The following CNTN5 variants were observed in gnomAD, a reference collection of about 807,000 sequenced individuals.
CNTN5 encodes the protein contactin-5.
CNTN5 carries 77 observed loss-of-function variants against 129.1 expected under a neutral mutation model. That is an observed-to-expected ratio of 0.60 (90% confidence interval 0.50 to 0.72). The LOEUF (loss-of-function observed/expected upper bound fraction) is 0.72, where lower values mean the gene tolerates loss of function less well. Ranked by LOEUF, CNTN5 falls within the 30% of genes least tolerant of loss-of-function variation. The pLI, the probability that CNTN5 is intolerant of heterozygous loss-of-function variation, is 0.00. For synonymous variants in CNTN5, 509 were observed against 465.6 expected (o/e 1.09, Z -1.20); for missense variants, 1,478 against 1,328.8 (o/e 1.11, Z -1.75).
chr11:99,797,108 C>A (rs1945968896), intron 3 of CNTN5, among the ~76,000 whole-genome samples: 1 of 152,134 alleles, frequency 6.6e-6, no homozygotes, highest in South Asian at 2.1e-4. Context: ...TACATCTAGT[C>A]AGCCATCTTG....
intron 2 of CNTN5, among the ~76,000 whole-genome samples, chr11:99,496,469 A>G (rs753416955): frequency 2.0e-5 from 3 of 152,178 alleles, no homozygotes; most frequent in Non-Finnish European, 2.9e-5. Context: ...ATAGTACTTG[A>G]CATATTAAAA....
chr11:99,059,673 T>C (rs1006391649), intron 1 of CNTN5, among the ~76,000 whole-genome samples: 6 of 152,096 alleles, frequency 3.9e-5, no homozygotes, highest in African/African-American at 1.2e-4. Flanking sequence ...GTATTTTGAG[T>C]TTCCAGTCTC....
intron 1 of CNTN5, among the ~76,000 whole-genome samples, chr11:99,086,967 G>A (rs1250298284): frequency 6.6e-6 from 1 of 152,148 alleles, no homozygotes; most frequent in Non-Finnish European, 1.5e-5. Context: ...TTTCATAGAT[G>A]AAGAAAATGG....
chr11:99,961,281 G>A (rs1350406611), intron 8 of CNTN5, among the ~76,000 whole-genome samples: 1 of 150,998 alleles, frequency 6.6e-6, no homozygotes. Context: ...CATAAGAAGT[G>A]GGCATGTAGT....
chr11:100,155,221 T>C (rs1457924156), intron 13 of CNTN5, among the ~76,000 whole-genome samples: 2 of 152,168 alleles, frequency 1.3e-5, no homozygotes. Context: ...AGGGGTCCAG[T>C]TTTAGTTTTC....
At chr11:99,549,323 G>C (rs1948405099) in intron 2 of CNTN5, among the ~76,000 whole-genome samples, 1 of 151,920 alleles carries the variant, frequency 6.6e-6, no homozygotes, top group Admixed American at 6.6e-5. Flanking sequence ...ACTCTTTTAT[G>C]AATGGAGTAT....
At chr11:99,515,809 C>A (rs183115725) in intron 2 of CNTN5, among the ~76,000 whole-genome samples, 7 of 151,818 alleles carry the variant, frequency 4.6e-5, no homozygotes, top group African/African-American at 1.4e-4. Context: ...TTTAAGTTAG[C>A]TGATATATAG....
At chr11:99,894,965 T>C (rs1949166909) in intron 6 of CNTN5, among the ~76,000 whole-genome samples, 1 of 152,232 alleles carries the variant, frequency 6.6e-6, no homozygotes. Flanking sequence ...TTTCTTGACA[T>C]GCCCCAAGCA....
At chr11:100,315,094 T>C (rs1951551094) in intron 21 of CNTN5, among the ~76,000 whole-genome samples, 1 of 152,156 alleles carries the variant, frequency 6.6e-6, no homozygotes, top group Admixed American at 6.5e-5. Flanking sequence ...TGATCCTAAC[T>C]TCTGGTAGCT....
At chr11:99,351,892 C>A (rs1370046234) in intron 2 of CNTN5, among the ~76,000 whole-genome samples, 2 of 152,174 alleles carry the variant, frequency 1.3e-5, no homozygotes, top group Non-Finnish European at 2.9e-5. Flanking sequence ...GAGTTAAATA[C>A]CCACTGTGGC....
At chr11:99,613,499 G>GA (rs1219190327) in intron 3 of CNTN5, among the ~76,000 whole-genome samples, 4 of 152,090 alleles carry the variant, frequency 2.6e-5, no homozygotes, top group Non-Finnish European at 5.9e-5. Context: ...ATAGCAGCAT[G>GA]AAAATAGACT....
intron 9 of CNTN5, among the ~76,000 whole-genome samples, chr11:100,054,109 G>T (rs1284473680): frequency 6.6e-6 from 1 of 151,686 alleles, no homozygotes; most frequent in African/African-American, 2.4e-5. Flanking sequence ...TATAAAAAAT[G>T]TTCTATATCC....
chr11:99,306,673 G>T (rs866690818), intron 1 of CNTN5, among the ~76,000 whole-genome samples: 1 of 151,362 alleles, frequency 6.6e-6, no homozygotes, highest in Non-Finnish European at 1.5e-5. Context: ...GGTGGAGCTT[G>T]CAGTGAGCCA....
intron 2 of CNTN5, among the ~76,000 whole-genome samples, chr11:99,533,157 A>G (rs1261611380): frequency 6.6e-6 from 1 of 152,248 alleles, no homozygotes; most frequent in African/African-American, 2.4e-5. Flanking sequence ...CGGGAGAAGG[A>G]GGTTGCAGTG....
At position 99,139,229 on chromosome 11, in the gene CNTN5, T is replaced by C. The variant is rs143822459; in HGVS notation, c.-210+117959T>C. On this transcript the variant is annotated intron_variant, in intron 1 of 24. Coordinates refer to ENST00000524871, the MANE Select transcript of CNTN5 (RefSeq NM_014361.4). The stretch of plus-strand genomic sequence containing the variant: ...TTGCAGTGAGCTTAGAGTGTACCAC[T>C]GCACTTCACTTCACCCTGCATGACA... Among the ~76,000 whole-genome samples the C allele has an allele frequency of 2.2e-3, 335 of 152,030 alleles. 3 individuals are homozygous for C. Among genetic ancestry groups the C allele is most frequent in the African/African-American group, 7.6e-3 (316 of 41,484 alleles).
chr11:99,996,655 A>G (rs1467252960), intron 8 of CNTN5, among the ~76,000 whole-genome samples: 2 of 152,178 alleles, frequency 1.3e-5, no homozygotes, highest in Non-Finnish European at 2.9e-5. Context: ...TCACACTGAT[A>G]AAGAATACTT....
intron 2 of CNTN5, among the ~76,000 whole-genome samples, chr11:99,409,114 A>G (rs969186439): frequency 1.3e-5 from 2 of 152,170 alleles, no homozygotes; most frequent in Non-Finnish European, 2.9e-5. Context: ...TGTAGTTGAT[A>G]TTTCTAATAA....
intron 7 of CNTN5, among the ~76,000 whole-genome samples, chr11:99,956,345 T>C (rs1228914954): frequency 6.6e-6 from 1 of 152,146 alleles, no homozygotes; most frequent in Non-Finnish European, 1.5e-5. Context: ...ACAGAAGACA[T>C]GTAGTTTGCC....
chr11:99,246,927 T>C (rs1033751776), intron 1 of CNTN5, among the ~76,000 whole-genome samples: 1 of 152,168 alleles, frequency 6.6e-6, no homozygotes, highest in Non-Finnish European at 1.5e-5. Flanking sequence ...TATTAATCCA[T>C]ATAATTTTTG....
Sources: gnomAD v4.1 joint callset for allele counts (sites outside exome capture counted in the v4.1 genomes callset) on GRCh38, gnomAD v4.1.1 for gene constraint, MANE v1.5 for transcripts, NCBI Gene and HGNC (gene_info 2026-07-23, HGNC 2026-07-21) for gene names.